TMC3: variants seen among roughly 807,000 people sequenced by gnomAD.
TMC3 encodes transmembrane channel like 3.
A neutral mutation model predicts 110.6 loss-of-function variants in TMC3; 98 were observed. The ratio of observed to expected loss-of-function variants is 0.89; its 90% CI spans 0.75 to 1.05. The LOEUF is 1.05. Among genes scored for constraint, TMC3 ranks in the 50% least tolerant of loss-of-function variants. The pLI is 0.00. For missense variants in TMC3, 1,319 were observed against 1,373.2 expected (o/e 0.96, Z 0.62); for synonymous variants, 489 against 513.1 (o/e 0.95, Z 0.63).
At position 81,362,304 on chromosome 15, in the gene TMC3, A is replaced by G; in HGVS notation, c.313-3T>C. On this transcript the variant is annotated splice_polypyrimidine_tract_variant and splice_region_variant and intron_variant, in intron 3 of 21. Transcript: ENST00000359440. ...AGACGAGCAAATTTCCGCCAGAGCT[A>G]GACAAGAGGGGTCAGGATTAGAGAG... is the stretch of plus-strand genomic sequence containing the variant. 1 of 1,610,494 alleles carries G rather than the reference A, an allele frequency of 6.2e-7. No individual in the cohort carries two copies. The highest frequency in any genetic ancestry group is 8.5e-7 in the Non-Finnish European group (1 of 1,178,082).
At chr15:81,365,013 A>G (rs971760811) in intron 3 of TMC3, among the ~76,000 whole-genome samples, 3 of 152,182 alleles carry the variant, frequency 2.0e-5, no homozygotes, top group African/African-American at 7.2e-5. Context: ...AAGTAAATAC[A>G]GTCAAGGTGT....
intron 11 of TMC3, among the ~76,000 whole-genome samples, chr15:81,349,208 C>G (rs13329328): frequency 0.16 from 23,905 of 152,022 alleles, 3,605 homozygotes; most frequent in African/African-American, 0.4. Context: ...TCTTCTTCCT[C>G]TTCTTCATTT....
Position 81,356,608 on chromosome 15 carries a change from G to T in TMC3, c.744-14C>A. 1 of 1,580,520 alleles carries T rather than the reference G, an allele frequency of 6.3e-7. No homozygotes were observed. The highest frequency in any genetic ancestry group is 8.6e-7 in the Non-Finnish European group (1 of 1,163,278). The stretch of plus-strand genomic sequence containing the variant: ...TTCTTAGCCATCCTGCAAAAGAGGA[G>T]CACAAACAGGTCTTGGGAGTCTCAG... On this transcript the variant is annotated splice_polypyrimidine_tract_variant and intron_variant, in intron 7 of 21. Coordinates refer to ENST00000359440, the MANE Select transcript of TMC3 (RefSeq NM_001080532.3).
intron 10 of TMC3, 127 bp downstream of exon 10, chr15:81,351,567 G>A: frequency 8.3e-7 from 1 of 1,207,398 alleles, no homozygotes; most frequent in Non-Finnish European, 1.1e-6. Context: ...GGCCAGGCTG[G>A]GCTGGAACTC....
chr15:81,355,170 T>A (rs1191566933), intron 9 of TMC3, among the ~76,000 whole-genome samples: 1 of 152,156 alleles, frequency 6.6e-6, no homozygotes, highest in East Asian at 1.9e-4. Flanking sequence ...TGGAAACTAA[T>A]CATGAGGGCT....
chr15:81,357,661 C>T (rs1191899078), intron 7 of TMC3, among the ~76,000 whole-genome samples: 1 of 152,186 alleles, frequency 6.6e-6, no homozygotes, highest in Non-Finnish European at 1.5e-5. Context: ...AACTGCATCA[C>T]AGCACAGACA....
At position 81,349,506 on chromosome 15, in the gene TMC3, G is replaced by A. The variant is rs372930177; in HGVS notation, c.1145C>T (p.Ala382Val). The stretch of plus-strand genomic sequence containing the variant: ...GGTCCTGGGGTGGTACATCTCTAAG[G>A]CAGCAATGAGGTCAAAGGCTGATGG... ...IAPSAFDLIA[A>V]LEMYHPRTTL... Residue 382 changes from alanine to valine, a missense_variant, in exon 11 of 22, where the codon GCC becomes GTC. Transcript: ENST00000359440. The A allele has an allele frequency of 6.4e-7, 1 of 1,562,918 alleles. No homozygotes were observed. The highest frequency in any genetic ancestry group is 8.7e-7 in the Non-Finnish European group (1 of 1,153,154).
At position 81,351,771 on chromosome 15, in the gene TMC3, G is replaced by C; in HGVS notation, c.1006C>G (p.Leu336Val). The part of the protein sequence containing the change: ...VLLSLAGSIY[L>V]IYFVVDRSQK... ...GACCGGTCCACCACAAAGTAGATGAGATAAATGCTCCCAGCCAGTGAGAGA... is the reference window on the plus strand; with the variant it reads ...GACCGGTCCACCACAAAGTAGATGACATAAATGCTCCCAGCCAGTGAGAGA... Residue 336 changes from leucine (L) to valine (V), a missense_variant, in exon 10 of 22, where the codon CTC becomes GTC. Coordinates refer to ENST00000359440, the MANE Select transcript of TMC3 (RefSeq NM_001080532.3). 6.2e-7 allele frequency: 1 copy of C among 1,605,244 alleles called. No individual in the cohort carries two copies.
At chr15:81,349,595 G>T (rs1369895550) in intron 10 of TMC3, 28 bp from the exon 11 acceptor site, 2 of 1,360,850 alleles carry the variant, frequency 1.5e-6, no homozygotes, top group Middle Eastern at 1.9e-4. Context: ...GCCAGAGCCA[G>T]ACATTCCCAG....
At chr15:81,355,578 A>G (rs1308531747) in intron 9 of TMC3, 147 bp downstream of exon 9, 11 of 627,978 alleles carry the variant, frequency 1.8e-5, no homozygotes, top group Non-Finnish European at 3.1e-5. Flanking sequence ...AAAATCATTC[A>G]GTTCCCTCAG....
chr15:81,332,825 A>G lies in TMC3; in HGVS notation c.2897T>C (p.Leu966Pro). The change falls in exon 22 of 22, where the codon CTC becomes CCC. Residue 966 changes from leucine to proline, a missense_variant. Transcript: ENST00000359440. ...RSLPPRSLID[L>P]RRAPHFYIGE... ...AATATAAAAATGAGGAGCCCGACGGAGGTCTATCAGGGAGCGTGGGGGAAG... is the reference window on the plus strand; with the variant it reads ...AATATAAAAATGAGGAGCCCGACGGGGGTCTATCAGGGAGCGTGGGGGAAG... The G allele has an allele frequency of 6.2e-7, 1 of 1,612,952 alleles. No homozygotes were observed. The highest frequency in any genetic ancestry group is 8.5e-7 in the Non-Finnish European group (1 of 1,179,628).
At chr15:81,369,978 C>A (rs1894398935) in intron 2 of TMC3, among the ~76,000 whole-genome samples, 1 of 152,104 alleles carries the variant, frequency 6.6e-6, no homozygotes, top group South Asian at 2.1e-4. Flanking sequence ...GAAGAGTTCA[C>A]TACCTAATAG....
intron 12 of TMC3, among the ~76,000 whole-genome samples, chr15:81,345,423 A>AG (rs1314948747): frequency 6.6e-6 from 1 of 152,226 alleles, no homozygotes; most frequent in Non-Finnish European, 1.5e-5. Context: ...GCCCCAATGC[A>AG]GAAAAATGAT....
intron 4 of TMC3, among the ~76,000 whole-genome samples, 198 bp from the exon 5 acceptor site, chr15:81,359,669 AGG>A (rs1364365939): frequency 6.6e-6 from 1 of 152,216 alleles, no homozygotes; most frequent in African/African-American, 2.4e-5. Context: ...TCAGTTCTAT[AGG>A]CAGGAAAAGT....
At position 81,339,485 on chromosome 15, in the gene TMC3, C is replaced by T. The variant is rs1463167521; in HGVS notation, c.1864G>A (p.Ala622Thr). ...RASRSNNFYL[A>T]MLLFMLFLCM... The stretch of plus-strand genomic sequence containing the variant: ...AGAAACAGCATAAACAGGAGCATTG[C>T]CAAGTAGAAGTTGTTGGATCTGCAG... Residue 622 changes from alanine to threonine, a missense_variant, in exon 17 of 22, where the codon GCA (alanine) becomes ACA (threonine). Coordinates refer to ENST00000359440, the MANE Select transcript of TMC3 (RefSeq NM_001080532.3). 2 of 1,603,994 alleles carry T rather than the reference C, an allele frequency of 1.2e-6. No individual in the cohort carries two copies. The highest frequency in any genetic ancestry group is 2.2e-5 in the South Asian group (2 of 88,890).
At chr15:81,354,858 A>G (rs1894025614) in intron 9 of TMC3, among the ~76,000 whole-genome samples, 3 of 144,270 alleles carry the variant, frequency 2.1e-5, no homozygotes, top group Non-Finnish European at 3.0e-5. Flanking sequence ...AACATGGCAC[A>G]GTATGTTGTT....
intron 17 of TMC3, 44 bp from the exon 18 acceptor site, chr15:81,338,824 C>A: frequency 6.2e-7 from 1 of 1,605,096 alleles, no homozygotes; most frequent in Non-Finnish European, 8.5e-7. Context: ...TTGCTCTTGG[C>A]AGAAAGATGC....
At position 81,358,155 on chromosome 15, in the gene TMC3, A is replaced by G. The variant is rs1480598214; in HGVS notation, c.737T>C (p.Leu246Ser). Residue 246 changes from leucine (L) to serine (S), a missense_variant, in exon 7 of 22, where the codon TTA becomes TCA. Physicochemically the swap from Leu to Ser is moderately radical, Grantham distance 145. Coordinates refer to ENST00000359440, the MANE Select transcript of TMC3 (RefSeq NM_001080532.3). ...AGAAATTGAGCAGTCATACTTTTTT[A>G]AAAGAATGATGAAGCTGTAAGCAAA... ...AVFAYSFIIL[L>S]KKMAKNSRTS... 6.3e-7 allele frequency: 1 copy of G among 1,592,018 alleles called. No individual in the cohort carries two copies. Among genetic ancestry groups the G allele is most frequent in the African/African-American group, 1.4e-5 (1 of 73,696 alleles).
intron 16 of TMC3, among the ~76,000 whole-genome samples, chr15:81,340,382 C>T (rs1893689385): frequency 6.6e-6 from 1 of 152,120 alleles, no homozygotes. Context: ...AATATACATA[C>T]ACATATATAA....
Sources: allele counts gnomAD v4.1 joint callset (sites outside exome capture counted in the v4.1 genomes callset), GRCh38; gene constraint gnomAD v4.1.1; transcripts MANE v1.5; gene names NCBI Gene and HGNC (gene_info 2026-07-23, HGNC 2026-07-21).